The following PRAMEF14 variants were observed in gnomAD, a reference collection of about 807,000 sequenced individuals.
PRAMEF14 encodes the protein PRAME family member 14.
In PRAMEF14, 24 loss-of-function variants were observed where a neutral mutation model predicts 38.3. The observed-to-expected ratio is 0.63, with a 90% CI of 0.45 to 0.88. The LOEUF is 0.88. Ranked by LOEUF, PRAMEF14 falls within the 40% of genes least tolerant of loss-of-function variation. The pLI is 0.00. For missense variants in PRAMEF14, 477 were observed against 570.8 expected, an observed-to-expected ratio of 0.84 and a Z score of 1.67; for synonymous variants, 194 against 226.4, an observed-to-expected ratio of 0.86 and a Z score of 1.29.
chr1:13,344,721 C>T, intron 2 of PRAMEF14, 105 bp from the exon 3 acceptor site: 2 of 1,500,728 alleles, frequency 1.3e-6, no homozygotes, highest in South Asian at 2.5e-5. Context: ...TCAGTGCTCC[C>T]TGTTCTCTTT....
intron 3 of PRAMEF14, among the ~76,000 whole-genome samples, chr1:13,343,371 G>A (rs1481984086): frequency 6.8e-6 from 1 of 147,732 alleles, no homozygotes; most frequent in African/African-American, 2.5e-5. Flanking sequence ...TTATCTCTGG[G>A]CTACAGGTAC....
Position 13,345,333 on chromosome 1 carries a change from A to T in PRAMEF14, c.-19T>A. 6.2e-7 allele frequency: 1 copy of T among 1,603,858 alleles called. No individual in the cohort carries two copies. Among genetic ancestry groups the T allele is most frequent in the Non-Finnish European group, 8.5e-7 (1 of 1,176,852 alleles). On this transcript the variant is annotated 5_prime_UTR_variant, in exon 2 of 4. Transcript: ENST00000334600. ...TGCTCATCCTGATAGATCTGCAAGAAAAATCTCTAGAAGACAAATCCAGGG... is the reference window on the plus strand; with the variant it reads ...TGCTCATCCTGATAGATCTGCAAGATAAATCTCTAGAAGACAAATCCAGGG...
chr1:13,347,000 C>T (rs1390445056), intron 1 of PRAMEF14, 57 bp downstream of exon 1: 2 of 149,944 alleles, frequency 1.3e-5, no homozygotes, highest in African/African-American at 4.9e-5. Context: ...GTGTCACCGT[C>T]CCTGACTGGC....
In PRAMEF14 at chr1:13,342,844, A is replaced by C. The variant is rs1640348172; in HGVS notation, c.1109T>G (p.Leu370Arg). The C allele has an allele frequency of 6.2e-7, 1 of 1,608,950 alleles. No homozygotes were observed. Among genetic ancestry groups the C allele is most frequent in the African/African-American group, 1.3e-5 (1 of 74,828 alleles). The change falls in exon 4 of 4, where the codon CTG becomes CGG. Residue 370 changes from leucine to arginine, a missense_variant. Leu to Arg is a moderately radical substitution (Grantham distance 102). This residue lies in a region of PRAMEF14 where 151 missense variants were observed against 137.4 expected (regional missense o/e 1.10). Coordinates refer to ENST00000334600, the MANE Select transcript of PRAMEF14 (RefSeq NM_001024661.2). ...QIHYSQLSAI[L>R]PGLSHCSQLT... is the part of the protein sequence containing the mutation. ...CTGGGAGCAGTGGCTCAGGCCAGGC[A>C]GGATGGCACTGAGTTGGGAGTAGTG...
Position 13,343,943 on chromosome 1 carries a change from C to G in PRAMEF14, c.866+95G>C, listed in dbSNP as rs1248201922. Reference sequence around the variant, plus strand: ...GGTGTCCCCTTCACTGTGACGTTGCCACTGGCTGGCACACAGTACACGCCT... The same window carrying G: ...GGTGTCCCCTTCACTGTGACGTTGCGACTGGCTGGCACACAGTACACGCCT... On this transcript the variant is annotated intron_variant, in intron 3 of 3. Transcript: ENST00000334600. 4 of 1,569,316 alleles carry G rather than the reference C, an allele frequency of 2.5e-6. No homozygotes were observed. In the African/African-American group the frequency reaches 4.1e-5, roughly 16 times the overall value.
Position 13,344,398 on chromosome 1 carries a change from T to C in PRAMEF14, c.506A>G (p.Gln169Arg). 6.2e-7 allele frequency: 1 copy of C among 1,604,394 alleles called. No individual in the cohort carries two copies. Among genetic ancestry groups the C allele is most frequent in the South Asian group, 1.1e-5 (1 of 90,498 alleles). The part of the protein sequence containing the change: ...PQDECLRYLF[Q>R]WVYQRRGLVH... Reference sequence around the variant, plus strand: ...TAAACCTCTCCTTTGGTAAACCCACTGAAAGAGGTATCTCAGGCATTCATC... The same window carrying C: ...TAAACCTCTCCTTTGGTAAACCCACCGAAAGAGGTATCTCAGGCATTCATC... The change falls in exon 3 of 4, where the codon CAG becomes CGG. Residue 169 changes from glutamine to arginine, a missense_variant. Physicochemically the swap from Gln to Arg is conservative, Grantham distance 43. Around this residue, in one of 4 missense-constraint regions of PRAMEF14, gnomAD observed 234 missense variants for 247.4 expected, o/e 0.95. Transcript: ENST00000334600.
rs1640386780 is a variant in PRAMEF14 at position 13,345,275 on chromosome 1, C to T, written c.40G>A (p.Gly14Arg). 4 of 1,607,566 alleles carry T rather than the reference C, an allele frequency of 2.5e-6. No individual in the cohort carries two copies. Among genetic ancestry groups the T allele is most frequent in the African/African-American group, 1.3e-5 (1 of 74,820 alleles). The change falls in exon 2 of 4, where the codon GGG (glycine) becomes AGG (arginine). Residue 14 changes from glycine to arginine, a missense_variant. Around this residue, in one of 4 missense-constraint regions of PRAMEF14, gnomAD observed 58 missense variants for 119.9 expected, o/e 0.48. Coordinates refer to ENST00000334600, the MANE Select transcript of PRAMEF14 (RefSeq NM_001024661.2). ...GCCTGGTCTCTCAGCAGGCTCTGCC[C>T]TGCCAGCTCCAGGAGTCTGGGTGGG... ...QAPPRLLELA[G>R]QSLLRDQALS...
At chr1:13,343,769 C>T in intron 3 of PRAMEF14, 1 of 1,407,926 alleles carries the variant, frequency 7.1e-7, no homozygotes, top group Non-Finnish European at 9.4e-7. Flanking sequence ...CGTGCACCCC[C>T]AATAGAGCTG....
In PRAMEF14 at chr1:13,342,818, G is replaced by T. The variant is rs778159227; in HGVS notation, c.1135C>A (p.Leu379Ile). ...TTTCTGCCAAAGTAGAAGGTGGTGA[G>T]CTGGGAGCAGTGGCTCAGGCCAGGC... ...ILPGLSHCSQ[L>I]TTFYFGRNCM... Residue 379 changes from leucine to isoleucine, a missense_variant, in exon 4 of 4, where the codon CTC (leucine) becomes ATC (isoleucine). Transcript: ENST00000334600. The T allele has an allele frequency of 6.2e-6, 10 of 1,608,050 alleles. 1 individual carries two copies. Among genetic ancestry groups the T allele is most frequent in the East Asian group, 2.3e-5 (1 of 42,774 alleles).
In PRAMEF14 at chr1:13,344,125, C is replaced by T; in HGVS notation, c.779G>A (p.Ser260Asn). 1.2e-5 allele frequency: 20 copies of T among 1,606,216 alleles called. 1 individual carries two copies. In the South Asian group the frequency reaches 2.2e-4, roughly 18 times the overall value. Reference protein sequence around the residue: ...ELEGRLVTKFSSVFLRLEHLQ... With the variant: ...ELEGRLVTKFNSVFLRLEHLQ... Reference sequence around the variant, plus strand: ...GTGTTCCAGCCTGAGGAACACAGAGCTGAATTTGGTGACTAACCGTCCTTC... The same window carrying T: ...GTGTTCCAGCCTGAGGAACACAGAGTTGAATTTGGTGACTAACCGTCCTTC... The change falls in exon 3 of 4, where the codon AGC becomes AAC. Residue 260 changes from serine (S) to asparagine (N), a missense_variant. Transcript: ENST00000334600.
intron 2 of PRAMEF14, 42 bp from the exon 3 acceptor site, chr1:13,344,658 T>G (rs1412148181): frequency 6.2e-7 from 1 of 1,603,320 alleles, no homozygotes. Flanking sequence ...TTAGAAGGAC[T>G]CATCCCTGAC....
intron 1 of PRAMEF14, among the ~76,000 whole-genome samples, chr1:13,345,888 G>A (rs1640396658): frequency 6.6e-6 from 1 of 151,830 alleles, no homozygotes; most frequent in Admixed American, 6.6e-5. Flanking sequence ...GGCAGAGGTT[G>A]CAGTGAGCCA....
At chr1:13,345,972 A>C (rs1233397937) in intron 1 of PRAMEF14, among the ~76,000 whole-genome samples, 4 of 150,852 alleles carry the variant, frequency 2.7e-5, no homozygotes, top group African/African-American at 9.7e-5. Flanking sequence ...CTGATAAATT[A>C]ATTAATTAAA....
Position 13,342,663 on chromosome 1 carries a change from G to A in PRAMEF14, c.1290C>T (p.Phe430=), listed in dbSNP as rs201163939. Residue 430 remains phenylalanine, a synonymous_variant, in exon 4 of 4, where the codon TTC becomes TTT. Transcript: ENST00000334600. ...ACATCAGCTCAGCCCGAAGTAGGGCGAAGATCTCCCAATCGACACGAACCA... is the reference window on the plus strand; with the variant it reads ...ACATCAGCTCAGCCCGAAGTAGGGCAAAGATCTCCCAATCGACACGAACCA... ...NSLVRVDWEI[F]ALLRAELMCT... 1.1e-3 allele frequency: 1,752 copies of A among 1,604,916 alleles called. 59 individuals are homozygous for A. Among genetic ancestry groups the A allele is most frequent in the Non-Finnish European group, 1.4e-3 (1,593 of 1,177,962 alleles).
intron 1 of PRAMEF14, 39 bp from the exon 2 acceptor site, chr1:13,345,378 G>A (rs1310263413): frequency 1.3e-6 from 2 of 1,564,864 alleles, no homozygotes; most frequent in Non-Finnish European, 1.7e-6. Flanking sequence ...CACTCTCATG[G>A]CAAACACAAT....
chr1:13,344,210 T>C lies in PRAMEF14; in HGVS notation c.694A>G (p.Lys232Glu). ...GAGAAAACGAGTTTGCGAAGATTCT[T>C]CATCTCCTTCAGGTAACAACGAAGC... ...RKLRCYLKEM[K>E]NLRKLVFSRC... The change falls in exon 3 of 4, where the codon AAG (lysine) becomes GAG (glutamate). Residue 232 changes from lysine (K) to glutamate (E), a missense_variant. Lys to Glu is a moderately conservative substitution (Grantham distance 56). Coordinates refer to ENST00000334600, the MANE Select transcript of PRAMEF14 (RefSeq NM_001024661.2). The C allele has an allele frequency of 6.2e-7, 1 of 1,608,776 alleles. No individual in the cohort carries two copies. The highest frequency in any genetic ancestry group is 8.5e-7 in the Non-Finnish European group (1 of 1,178,668).
In PRAMEF14 at chr1:13,345,344, A is replaced by C. The variant is rs1640388044; in HGVS notation, c.-25-5T>G. ...ATAGATCTGCAAGAAAAATCTCTAG[A>C]AGACAAATCCAGGGAAAATGTATCA... is the stretch of plus-strand genomic sequence containing the variant. On this transcript the variant is annotated splice_region_variant and splice_polypyrimidine_tract_variant and intron_variant, in intron 1 of 3. Coordinates refer to ENST00000334600, the MANE Select transcript of PRAMEF14 (RefSeq NM_001024661.2). The C allele has an allele frequency of 6.2e-7, 1 of 1,602,842 alleles. No homozygotes were observed. The highest frequency in any genetic ancestry group is 1.3e-5 in the African/African-American group (1 of 74,594).
chr1:13,342,257 A>G lies in PRAMEF14; in HGVS notation c.*271T>C. ...CTTCCCTGTGCTTCCTTTAAGTTGC[A>G]TGTGGCCTGGACACAGTCACTCATG... On this transcript the variant is annotated 3_prime_UTR_variant, in exon 4 of 4. Coordinates refer to ENST00000334600, the MANE Select transcript of PRAMEF14 (RefSeq NM_001024661.2). 1 of 542,246 alleles carries G rather than the reference A, an allele frequency of 1.8e-6. No individual in the cohort carries two copies. The highest frequency in any genetic ancestry group is 2.5e-5 in the South Asian group (1 of 40,606). The allele number at this position is 542,246 out of a possible 1,614,324, so 33.6% of individuals were successfully genotyped here. A position where few individuals can be genotyped will look rare whatever the true frequency, so the allele number is the denominator to read the frequency against.
chr1:13,344,536 G>A lies in PRAMEF14; in HGVS notation c.368C>T (p.Ser123Phe). The A allele has an allele frequency of 6.2e-7, 1 of 1,606,990 alleles. No individual in the cohort carries two copies. The highest frequency in any genetic ancestry group is 8.5e-7 in the Non-Finnish European group (1 of 1,178,664). ...WARWPGAWALSCFPETMSKRQ... is the reference protein window; with the variant it reads ...WARWPGAWALFCFPETMSKRQ... Reference sequence around the variant, plus strand: ...CTTACTCATGGTCTCTGGGAAGCAGGACAGGGCCCAGGCTCCAGGCCATCT... The same window carrying A: ...CTTACTCATGGTCTCTGGGAAGCAGAACAGGGCCCAGGCTCCAGGCCATCT... The change falls in exon 3 of 4, where the codon TCC becomes TTC. Residue 123 changes from serine to phenylalanine, a missense_variant. Ser to Phe is a radical substitution (Grantham distance 155). This residue lies in a region of PRAMEF14 where 234 missense variants were observed against 247.4 expected (regional missense o/e 0.95). Coordinates refer to ENST00000334600, the MANE Select transcript of PRAMEF14 (RefSeq NM_001024661.2).
Sources: allele counts gnomAD v4.1 joint callset (sites outside exome capture counted in the v4.1 genomes callset), GRCh38; gene constraint gnomAD v4.1.1; regional missense constraint gnomAD v4.1.1; transcripts MANE v1.5; gene names NCBI Gene and HGNC (gene_info 2026-07-23, HGNC 2026-07-21).